Variants in WDFY4 observed in about 807,000 individuals in gnomAD.
WDFY4 encodes WD repeat- and FYVE domain-containing protein 4.
WDFY4 carries 169 observed loss-of-function variants against 351.9 expected under a neutral mutation model. The observed-to-expected ratio is 0.48, with a 90% confidence interval of 0.42 to 0.55. The LOEUF is 0.55. Among genes scored for constraint, WDFY4 ranks in the 20% least tolerant of loss-of-function variants. WDFY4 has a pLI of 0.00. For synonymous variants in WDFY4, 1,622 were observed against 1,574.6 expected (o/e 1.03, Z -0.71); for missense variants, 3,803 against 3,935.6 (o/e 0.97, Z 0.90).
chr10:48,814,886 G>C (rs2067569830), intron 31 of WDFY4, among the ~76,000 whole-genome samples: 1 of 152,206 alleles, frequency 6.6e-6, no homozygotes, highest in African/African-American at 2.4e-5. Context: ...CAGAGGATGA[G>C]ACCACATGTA....
At chr10:48,980,380 A>T (rs544940249) in intron 60 of WDFY4, among the ~76,000 whole-genome samples, 1 of 152,314 alleles carries the variant, frequency 6.6e-6, no homozygotes, top group African/African-American at 2.4e-5. Context: ...CTTGGCGTGT[A>T]TATTACTATA....
intron 47 of WDFY4, among the ~76,000 whole-genome samples, chr10:48,920,104 C>T (rs759822862): frequency 2.7e-5 from 4 of 148,388 alleles, no homozygotes; most frequent in Non-Finnish European, 4.5e-5. Flanking sequence ...TGTAACATAC[C>T]ATATTAACAG....
At chr10:48,762,580 G>A (rs1307183965) in intron 13 of WDFY4, among the ~76,000 whole-genome samples, 1 of 152,224 alleles carries the variant, frequency 6.6e-6, no homozygotes, top group Admixed American at 6.5e-5. Flanking sequence ...TGGTGGGGTT[G>A]AACCTCCCAG....
chr10:48,978,274 C>T (rs1369415393), intron 59 of WDFY4, 35 bp from the exon 60 acceptor site: 1 of 1,544,172 alleles, frequency 6.5e-7, no homozygotes, highest in Admixed American at 2.0e-5. Context: ...ACAGGATCGT[C>T]TTCCCCGCCG....
chr10:48,688,081 C>A (rs1189463031), intron 1 of WDFY4, among the ~76,000 whole-genome samples: 1 of 152,174 alleles, frequency 6.6e-6, no homozygotes, highest in East Asian at 1.9e-4. Context: ...CCACACCCGG[C>A]CTAATAGGCC....
chr10:48,960,544 T>C (rs1841810903), intron 53 of WDFY4, among the ~76,000 whole-genome samples: 2 of 152,334 alleles, frequency 1.3e-5, no homozygotes, highest in South Asian at 4.1e-4. Context: ...GCATTTGCCA[T>C]ATTACCCAGC....
chr10:48,899,072 G>GT (rs1472568612), intron 45 of WDFY4, among the ~76,000 whole-genome samples: 1 of 152,170 alleles, frequency 6.6e-6, no homozygotes, highest in Non-Finnish European at 1.5e-5. Flanking sequence ...AGTCAGTGGG[G>GT]TTTTTTCCCC....
chr10:48,915,848 A>C (rs965077314), intron 47 of WDFY4, among the ~76,000 whole-genome samples: 1 of 152,130 alleles, frequency 6.6e-6, no homozygotes, highest in African/African-American at 2.4e-5. Context: ...TTGTAAGCTG[A>C]CCCTAGTCTT....
chr10:48,790,058 A>G, intron 22 of WDFY4, 73 bp downstream of exon 22: 1 of 1,430,442 alleles, frequency 7.0e-7, no homozygotes, highest in Non-Finnish European at 9.6e-7. Flanking sequence ...TGCACCCTGG[A>G]GTTCTGGAGT....
chr10:48,823,756 AG>A (rs1204736656), intron 35 of WDFY4: 2 of 992,108 alleles, frequency 2.0e-6, no homozygotes, highest in Middle Eastern at 5.1e-4. Flanking sequence ...CCGTGCTTTC[AG>A]GGGGACCAGG....
rs545210183 is a variant in WDFY4 at position 48,774,710 on chromosome 10, C to A, written c.2768+38C>A. The A allele has an allele frequency of 7.0e-5, 108 of 1,549,916 alleles. No homozygotes were observed. In the African/African-American group the frequency reaches 1.1e-3, roughly 16 times the overall value. On this transcript the variant is annotated intron_variant, in intron 14 of 61. Coordinates refer to ENST00000325239, the MANE Select transcript of WDFY4 (RefSeq NM_001394531.1). The stretch of plus-strand genomic sequence containing the variant: ...GCATATTCAGTGCCGCCAAGCTGGG[C>A]AGCCATGTCCTTTGCAGGGCAGGGG...
chr10:48,953,798 A>G (rs537332370), intron 51 of WDFY4, among the ~76,000 whole-genome samples: 1 of 152,360 alleles, frequency 6.6e-6, no homozygotes, highest in South Asian at 2.1e-4. Context: ...ATGTGCAGTT[A>G]CTGAATTTCC....
intron 40 of WDFY4, among the ~76,000 whole-genome samples, chr10:48,868,506 G>A (rs749081365): frequency 1.3e-5 from 2 of 152,204 alleles, no homozygotes; most frequent in Non-Finnish European, 2.9e-5. Flanking sequence ...GCTGGGTAGG[G>A]TGTCTTGCTG....
In WDFY4 at chr10:48,786,707, T is replaced by C; in HGVS notation, c.3645T>C (p.Tyr1215=). 3 of 1,552,324 alleles carry C rather than the reference T, an allele frequency of 1.9e-6. No homozygotes were observed. The highest frequency in any genetic ancestry group is 2.0e-5 in the Admixed American group (1 of 51,012). ...SMDPSAFVDV[Y]GYIATPRVWK... ...ATCCATCCGCATTTGTGGATGTTTA[T>C]GGATATATTGCTACTCCTCGAGTCT... The change falls in exon 20 of 62, where the codon TAT becomes TAC. Residue 1215 remains tyrosine (Y), a synonymous_variant. Transcript: ENST00000325239.
intron 51 of WDFY4, among the ~76,000 whole-genome samples, chr10:48,949,637 G>T (rs1281976147): frequency 1.3e-5 from 2 of 152,216 alleles, no homozygotes; most frequent in Non-Finnish European, 2.9e-5. Flanking sequence ...GAGTGGGGAA[G>T]AGTGAGAGAC....
intron 47 of WDFY4, among the ~76,000 whole-genome samples, chr10:48,916,360 G>C (rs1838531276): frequency 6.6e-6 from 1 of 152,264 alleles, no homozygotes; most frequent in Non-Finnish European, 1.5e-5. Flanking sequence ...AATCTGTTTG[G>C]TGTTCTGTTT....
chr10:48,925,473 C>G (rs1839494202), intron 47 of WDFY4, among the ~76,000 whole-genome samples: 1 of 152,136 alleles, frequency 6.6e-6, no homozygotes, highest in African/African-American at 2.4e-5. Context: ...TCATTCTGGG[C>G]CCGAAATTGT....
rs746644817 is a variant in WDFY4 at position 48,913,871 on chromosome 10, C to T, written c.7586+12008C>T. The T allele has an allele frequency of 3.7e-6, 6 of 1,613,944 alleles. No individual in the cohort carries two copies. In the East Asian group the frequency reaches 1.1e-4, roughly 30 times the overall value. On this transcript the variant is annotated intron_variant, in intron 47 of 61. Coordinates refer to ENST00000325239, the MANE Select transcript of WDFY4 (RefSeq NM_001394531.1). ...TGACGTTGAGGTAGAGCAGGCTGGT[C>T]ATCTGGCCAATGGACTCAGGCAGCT... is the stretch of plus-strand genomic sequence containing the variant.
chr10:48,781,270 A>G (rs1346593034), intron 19 of WDFY4, among the ~76,000 whole-genome samples: 1 of 151,278 alleles, frequency 6.6e-6, no homozygotes, highest in African/African-American at 2.4e-5. Flanking sequence ...GTGTGTGTAT[A>G]TATATATATG....
Sources: gnomAD v4.1 joint callset for allele counts (sites outside exome capture counted in the v4.1 genomes callset) on GRCh38, gnomAD v4.1.1 for gene constraint, MANE v1.5 for transcripts, NCBI Gene and HGNC (gene_info 2026-07-23, HGNC 2026-07-21) for gene names.